The following RRN3 variants were observed in gnomAD, a reference collection of about 807,000 sequenced individuals.
RRN3 encodes the protein RNA polymerase I transcription factor RRN3.
In RRN3, 38 loss-of-function variants were observed where a neutral mutation model predicts 82.3. The ratio of observed to expected loss-of-function variants is 0.46; its 90% CI spans 0.36 to 0.61. The LOEUF (loss-of-function observed/expected upper bound fraction) is 0.61. Among genes scored for constraint, RRN3 ranks in the 20% least tolerant of loss-of-function variants. The probability of loss-of-function intolerance (pLI) is 0.00; values close to 1 mark genes in which losing one functional copy is unlikely to be tolerated. For missense variants in RRN3, 726 were observed against 793.1 expected (o/e 0.92, Z 1.02); for synonymous variants, 284 against 284.3 (o/e 1.00, Z 0.01).
At chr16:15,074,440 T>C (rs539004059) in intron 11 of RRN3, among the ~76,000 whole-genome samples, 2 of 152,318 alleles carry the variant, frequency 1.3e-5, no homozygotes, top group African/African-American at 4.8e-5. Flanking sequence ...ATTCAGCAAC[T>C]TGAGCGTAAT....
intron 14 of RRN3, among the ~76,000 whole-genome samples, chr16:15,069,803 T>C (rs1011158280): frequency 2.6e-5 from 4 of 152,178 alleles, no homozygotes; most frequent in Non-Finnish European, 4.4e-5. Context: ...TCTGGAGACA[T>C]CTTCACATTT....
upstream of RRN3, chr16:15,094,297 T>G (rs547219341): frequency 5.8e-6 from 8 of 1,382,098 alleles, no homozygotes; most frequent in East Asian, 1.5e-4. Flanking sequence ...AGCCACAGCC[T>G]CTGTCCCGGA....
chr16:15,072,821 G>A, intron 12 of RRN3, 129 bp downstream of exon 12: 1 of 907,190 alleles, frequency 1.1e-6, no homozygotes, highest in Non-Finnish European at 1.7e-6. Context: ...ATTTTATTAA[G>A]CAGACTAGCA....
intron 15 of RRN3, among the ~76,000 whole-genome samples, chr16:15,066,806 C>T (rs62039512): frequency 2.0e-5 from 3 of 150,936 alleles, no homozygotes; most frequent in African/African-American, 7.3e-5. Flanking sequence ...GAATGGTACA[C>T]GCCTTTATTT....
intron 8 of RRN3, among the ~76,000 whole-genome samples, chr16:15,083,279 G>C (rs545798330): frequency 2.0e-5 from 3 of 152,062 alleles, no homozygotes; most frequent in Admixed American, 6.5e-5. Context: ...GGCGCCTGCA[G>C]TCCCAGCTAA....
At chr16:15,074,576 C>T (rs1237955469) in intron 11 of RRN3, 147 bp downstream of exon 11, 1 of 496,390 alleles carries the variant, frequency 2.0e-6, no homozygotes, top group South Asian at 5.3e-5. Context: ...TGGCAAGTAA[C>T]TTGACCTCTT....
At chr16:15,087,024 A>G (rs1386960600) in intron 3 of RRN3, among the ~76,000 whole-genome samples, 2 of 152,226 alleles carry the variant, frequency 1.3e-5, no homozygotes, top group Non-Finnish European at 2.9e-5. Context: ...TACTGTTCAT[A>G]GTAATTGTTA....
At chr16:15,084,031 A>G (rs2045812540) in intron 7 of RRN3, among the ~76,000 whole-genome samples, 2 of 152,136 alleles carry the variant, frequency 1.3e-5, no homozygotes. Context: ...TGGAACTTAC[A>G]ATGTATAGCT....
intron 1 of RRN3, among the ~76,000 whole-genome samples, chr16:15,093,166 G>A (rs1267776948): frequency 6.6e-6 from 1 of 152,042 alleles, no homozygotes; most frequent in Non-Finnish European, 1.5e-5. Flanking sequence ...CACCATGCCC[G>A]GCTGATTTTT....
intron 7 of RRN3, chr16:15,083,899 A>G: frequency 3.5e-6 from 1 of 288,542 alleles, no homozygotes; most frequent in South Asian, 3.4e-5. Flanking sequence ...TATTTTTAGT[A>G]GAGACGGGGT....
chr16:15,061,947 G>C (rs553976184), intron 17 of RRN3, 42 bp from the exon 18 acceptor site: 1 of 1,558,794 alleles, frequency 6.4e-7, no homozygotes, highest in South Asian at 1.1e-5. Flanking sequence ...CACCAGTGCT[G>C]ACTGAAAAGC....
At chr16:15,074,078 T>G (rs542706253) in intron 11 of RRN3, among the ~76,000 whole-genome samples, 1 of 152,204 alleles carries the variant, frequency 6.6e-6, no homozygotes, top group Non-Finnish European at 1.5e-5. Context: ...CTCACAATGG[T>G]TCTCTGAAGA....
chr16:15,060,219 G>T lies in RRN3; in HGVS notation c.*1525C>A. The T allele has an allele frequency of 2.7e-6, 1 of 371,178 alleles. No individual in the cohort carries two copies. The highest frequency in any genetic ancestry group is 5.3e-6 in the Non-Finnish European group (1 of 188,574). The allele number at this position is 371,178 out of a possible 1,614,324, so 23.0% of individuals were successfully genotyped here. A position where few individuals can be genotyped will look rare whatever the true frequency, so the allele number is the denominator to read the frequency against. On this transcript the variant is annotated 3_prime_UTR_variant, in exon 18 of 18. Transcript: ENST00000198767. ...ACCCCACTTACTACTAATTTCTGGG[G>T]AATTTCGTTTACTCGTTTTATCTAA...
intron 9 of RRN3, among the ~76,000 whole-genome samples, chr16:15,077,598 T>C (rs530758596): frequency 4.6e-5 from 7 of 152,152 alleles, no homozygotes; most frequent in African/African-American, 1.4e-4. Flanking sequence ...TCCGAGCTCT[T>C]TGGGAGGCCG....
chr16:15,077,066 GC>G (rs925919290), intron 9 of RRN3, among the ~76,000 whole-genome samples: 1 of 149,120 alleles, frequency 6.7e-6, no homozygotes, highest in African/African-American at 2.5e-5. Context: ...CGCAAACTCC[GC>G]CCCCCAGGTT....
At chr16:15,081,295 A>G (rs2045693333) in intron 8 of RRN3, among the ~76,000 whole-genome samples, 1 of 152,194 alleles carries the variant, frequency 6.6e-6, no homozygotes, top group Admixed American at 6.5e-5. Flanking sequence ...ATGCCAGGCT[A>G]TTTTCCAAAA....
At chr16:15,077,598 T>A (rs530758596) in intron 9 of RRN3, among the ~76,000 whole-genome samples, 1 of 152,270 alleles carries the variant, frequency 6.6e-6, no homozygotes, top group East Asian at 1.9e-4. Context: ...TCCGAGCTCT[T>A]TGGGAGGCCG....
At chr16:15,065,547 G>A (rs1285019683) in intron 15 of RRN3, among the ~76,000 whole-genome samples, 176 bp from the exon 16 acceptor site, 3 of 152,094 alleles carry the variant, frequency 2.0e-5, no homozygotes, top group African/African-American at 7.2e-5. Flanking sequence ...CCGTTCTATG[G>A]GTCTTCTATT....
chr16:15,078,723 G>A (rs540401638), intron 9 of RRN3, among the ~76,000 whole-genome samples: 3 of 151,856 alleles, frequency 2.0e-5, no homozygotes, highest in East Asian at 3.9e-4. Flanking sequence ...ACGACTGCCT[G>A]TGAGTATTCT....
Sources: gnomAD v4.1 joint callset for allele counts (sites outside exome capture counted in the v4.1 genomes callset) on GRCh38, gnomAD v4.1.1 for gene constraint, MANE v1.5 for transcripts, NCBI Gene and HGNC (gene_info 2026-07-23, HGNC 2026-07-21) for gene names.